Variants in RPP30 observed in about 807,000 individuals in gnomAD.
The protein encoded by RPP30 is ribonuclease P protein subunit p30.
Under a neutral mutation model 38.6 loss-of-function variants are expected in RPP30, and 36 were observed. The ratio of observed to expected loss-of-function variants is 0.93; its 90% confidence interval spans 0.71 to 1.23. The LOEUF (loss-of-function observed/expected upper bound fraction) is 1.23, where lower values mean the gene tolerates loss of function less well. Among genes scored for constraint, RPP30 ranks in the 50% most tolerant of loss-of-function variants. The pLI, the probability that RPP30 is intolerant of heterozygous loss-of-function variation, is 0.00. For synonymous variants in RPP30, 126 were observed against 112.7 expected, an observed-to-expected ratio of 1.12 and a Z score of -0.75; for missense variants, 321 against 321.7, an observed-to-expected ratio of 1.00 and a Z score of 0.02.
At position 90,875,538 on chromosome 10, in the gene RPP30, C is replaced by G. The variant is rs770330855; in HGVS notation, c.139-20C>G. ...TATTAATGGATACAATCTGCAGTAACTATTTATCGTTTGTTGTAGGAAATT... is the reference window on the plus strand; with the variant it reads ...TATTAATGGATACAATCTGCAGTAAGTATTTATCGTTTGTTGTAGGAAATT... On this transcript the variant is annotated intron_variant, in intron 2 of 10. Transcript: ENST00000371703. 1.2e-6 allele frequency: 2 copies of G among 1,606,190 alleles called. No homozygotes were observed. The highest frequency in any genetic ancestry group is 1.7e-6 in the Non-Finnish European group (2 of 1,173,166).
chr10:90,904,464 T>C (rs764043096), downstream of RPP30, among the ~76,000 whole-genome samples: 6 of 152,196 alleles, frequency 3.9e-5, no homozygotes, highest in Non-Finnish European at 7.4e-5. Context: ...TTGCAAGGAT[T>C]AAGTAGGTTA....
rs1013969651 is a variant in RPP30 at position 90,900,657 on chromosome 10, A to G, written c.785A>G (p.Lys262Arg). The stretch of plus-strand genomic sequence containing the variant: ...GATGAAGATTGTCTTCCAGCTTCCA[A>G]GAAAGCCAAGTGTGAGGGCTGAAAA... The part of the protein sequence containing the change: ...EGDEDCLPAS[K>R]KAKCEG The change falls in exon 11 of 11, where the codon AAG becomes AGG. Residue 262 changes from lysine to arginine, a missense_variant. By Grantham distance (26) the Lys-to-Arg change is conservative. Transcript: ENST00000371703. The G allele has an allele frequency of 3.1e-6, 5 of 1,613,716 alleles. No homozygotes were observed. Among genetic ancestry groups the G allele is most frequent in the African/African-American group, 1.3e-5 (1 of 75,074 alleles).
chr10:90,881,424 A>G (rs1023868987), intron 5 of RPP30, among the ~76,000 whole-genome samples: 1 of 152,202 alleles, frequency 6.6e-6, no homozygotes, highest in Admixed American at 6.5e-5. Flanking sequence ...TTTTTCTCAG[A>G]CTTAAAGTTT....
At chr10:90,903,291 A>G (rs1189984227), downstream of RPP30, 9 of 1,555,354 alleles carry the variant, frequency 5.8e-6, no homozygotes, top group African/African-American at 5.5e-5. Flanking sequence ...GTACCCAAGT[A>G]TACATTTATC....
downstream of RPP30, among the ~76,000 whole-genome samples, chr10:90,904,876 T>C (rs534188863): frequency 6.6e-6 from 1 of 152,312 alleles, no homozygotes; most frequent in Non-Finnish European, 1.5e-5. Context: ...AATATTGAAG[T>C]GTCAGCTATC....
chr10:90,872,895 T>G (rs4587650), intron 1 of RPP30, among the ~76,000 whole-genome samples: 1,710 of 152,322 alleles, frequency 0.011, 36 homozygotes, highest in African/African-American at 0.039. Context: ...GACTGTCCCT[T>G]TCCACTGCTG....
At chr10:90,902,971 T>C (rs916971973), downstream of RPP30, among the ~76,000 whole-genome samples, 2 of 152,220 alleles carry the variant, frequency 1.3e-5, no homozygotes, top group Admixed American at 1.3e-4. Flanking sequence ...TAGCATTGTA[T>C]GTAAATTATT....
intron 6 of RPP30, among the ~76,000 whole-genome samples, chr10:90,887,975 C>G (rs976402873): frequency 6.6e-6 from 1 of 152,140 alleles, no homozygotes; most frequent in Non-Finnish European, 1.5e-5. Flanking sequence ...ATGATAAAAG[C>G]CACAAATTAA....
rs368839074 is a variant in RPP30 at position 90,880,956 on chromosome 10, T to C, written c.342+1822T>C. 7.8e-4 allele frequency among the ~76,000 whole-genome samples: 119 copies of C among 152,268 alleles called. 1 individual carries two copies. The South Asian group carries it at 0.016, about 20-fold the overall frequency. Reference sequence around the variant, plus strand: ...TAATTCAGTGCCAAAACCACTAGTGTTTAATATAAGGAAGACCATGGGCAT... The same window carrying C: ...TAATTCAGTGCCAAAACCACTAGTGCTTAATATAAGGAAGACCATGGGCAT... On this transcript the variant is annotated intron_variant, in intron 5 of 10. Coordinates refer to ENST00000371703, the MANE Select transcript of RPP30 (RefSeq NM_006413.5).
downstream of RPP30, among the ~76,000 whole-genome samples, chr10:90,907,723 T>G (rs1445126586): frequency 6.6e-6 from 1 of 152,192 alleles, no homozygotes; most frequent in Non-Finnish European, 1.5e-5. Flanking sequence ...CTTGAATAAC[T>G]CCTGTTTACC....
chr10:90,892,230 A>G (rs1847089417), intron 6 of RPP30, among the ~76,000 whole-genome samples: 1 of 152,212 alleles, frequency 6.6e-6, no homozygotes, highest in Non-Finnish European at 1.5e-5. Context: ...GTTAGGAACA[A>G]TCATTTGATG....
At position 90,900,987 on chromosome 10, in the gene RPP30, C is replaced by T. The variant is rs1359664762; in HGVS notation, c.*308C>T. ...TAAAATGTTTCAGGTATTTTTGTTT[C>T]ATTTTGTTTTTGAGATAGGGTCTTT... On this transcript the variant is annotated 3_prime_UTR_variant, in exon 11 of 11. Transcript: ENST00000371703. The T allele has an allele frequency of 1.4e-5, 15 of 1,040,694 alleles. No homozygotes were observed. Among genetic ancestry groups the T allele is most frequent in the African/African-American group, 1.7e-5 (1 of 58,468 alleles). 64.5% of individuals were successfully genotyped at this position (1,040,694 alleles called of 1,614,324 possible). A position where few individuals can be genotyped will look rare whatever the true frequency, so the allele number is the denominator to read the frequency against.
intron 6 of RPP30, among the ~76,000 whole-genome samples, chr10:90,893,778 T>C (rs1443211452): frequency 1.3e-5 from 2 of 152,214 alleles, no homozygotes; most frequent in Non-Finnish European, 2.9e-5. Flanking sequence ...AGTTGAAGTT[T>C]TGTATTTTTG....
At chr10:90,886,020 G>A in intron 6 of RPP30, 119 bp downstream of exon 6, 1 of 596,002 alleles carries the variant, frequency 1.7e-6, no homozygotes, top group Non-Finnish European at 2.8e-6. Flanking sequence ...ATAGGAGGCA[G>A]TTTTAGAAAA....
chr10:90,896,942 A>T (rs946901197), intron 10 of RPP30, among the ~76,000 whole-genome samples: 23 of 151,888 alleles, frequency 1.5e-4, no homozygotes, highest in African/African-American at 5.6e-4. Flanking sequence ...CTAAATAGAG[A>T]CAGAGTCTCA....
Position 90,901,086 on chromosome 10 carries a change from C to T in RPP30, c.*407C>T, listed in dbSNP as rs576953076. 5.6e-6 allele frequency: 2 copies of T among 358,472 alleles called. No homozygotes were observed. Among genetic ancestry groups the T allele is most frequent in the South Asian group, 1.2e-4 (1 of 8,568 alleles). 22.2% of individuals were successfully genotyped at this position (358,472 alleles called of 1,614,324 possible). ...CAATCCTGGGCTCAAGTGATCCTCC[C>T]GCTTCAGCCTCTCAAGCAGCGGGAA... On this transcript the variant is annotated 3_prime_UTR_variant, in exon 11 of 11. Coordinates refer to ENST00000371703, the MANE Select transcript of RPP30 (RefSeq NM_006413.5).
chr10:90,890,064 A>C (rs1438988396), intron 6 of RPP30, among the ~76,000 whole-genome samples: 2 of 152,214 alleles, frequency 1.3e-5, no homozygotes, highest in African/African-American at 2.4e-5. Flanking sequence ...CTCCATATGC[A>C]GGTAATACAG....
In RPP30 at chr10:90,880,779, G is replaced by T. The variant is rs1272857957; in HGVS notation, c.342+1645G>T. Among the ~76,000 whole-genome samples, 5 of 152,118 alleles carry T rather than the reference G, an allele frequency of 3.3e-5. No individual in the cohort carries two copies. In the East Asian group the frequency reaches 9.6e-4, roughly 29 times the overall value. ...CTCAAGAATTTTGTTTTAGTTAAAG[G>T]GGTAAGTAGAAGCAAGTGATTTTTA... On this transcript the variant is annotated intron_variant, in intron 5 of 10. Coordinates refer to ENST00000371703, the MANE Select transcript of RPP30 (RefSeq NM_006413.5).
intron 5 of RPP30, among the ~76,000 whole-genome samples, chr10:90,881,984 G>A (rs561233856): frequency 2.1e-4 from 32 of 151,986 alleles, no homozygotes; most frequent in Admixed American, 6.5e-5. Flanking sequence ...CAGAGTATCC[G>A]GAAGATGTCT....
Sources: gnomAD v4.1 joint callset for allele counts (sites outside exome capture counted in the v4.1 genomes callset) on GRCh38, gnomAD v4.1.1 for gene constraint, MANE v1.5 for transcripts, NCBI Gene and HGNC (gene_info 2026-07-23, HGNC 2026-07-21) for gene names.